Variants in ROBO2 observed in about 807,000 individuals in gnomAD.
ROBO2 encodes the protein roundabout homolog 2.
A neutral mutation model predicts 160.8 loss-of-function variants in ROBO2; 53 were observed. That is an observed-to-expected ratio of 0.33 (90% CI 0.26 to 0.41). The LOEUF is 0.41. Ranked by LOEUF, ROBO2 falls within the 10% of genes least tolerant of loss-of-function variation. The pLI is 1.00. For synonymous variants in ROBO2, 664 were observed against 611.7 expected (o/e 1.09, Z -1.26); for missense variants, 1,577 against 1,722.4 (o/e 0.92, Z 1.49).
intron 2 of ROBO2, among the ~76,000 whole-genome samples, chr3:76,589,895 G>A (rs1041430295): frequency 1.3e-4 from 19 of 151,948 alleles, no homozygotes; most frequent in Admixed American, 1.3e-4. Context: ...ATGTTGTTAC[G>A]ATATATTTAA....
intron 22 of ROBO2, chr3:77,618,286 A>G (rs1380729563): frequency 6.4e-6 from 1 of 156,762 alleles, no homozygotes; most frequent in Non-Finnish European, 1.4e-5. Context: ...TACCTGAGTT[A>G]AGTGCAACAG....
intron 2 of ROBO2, among the ~76,000 whole-genome samples, chr3:75,988,120 T>G (rs2065464357): frequency 6.6e-6 from 1 of 152,102 alleles, no homozygotes; most frequent in Non-Finnish European, 1.5e-5. Flanking sequence ...AGTTCTTCTT[T>G]AAATGTTTAG....
intron 2 of ROBO2, among the ~76,000 whole-genome samples, chr3:76,177,936 G>C (rs570756809): frequency 6.6e-6 from 1 of 152,198 alleles, no homozygotes; most frequent in African/African-American, 2.4e-5. Context: ...GGGTAATTTG[G>C]CACATTTCTA....
intron 2 of ROBO2, among the ~76,000 whole-genome samples, chr3:76,420,577 C>A (rs1485556629): frequency 6.6e-6 from 1 of 152,134 alleles, no homozygotes; most frequent in East Asian, 1.9e-4. Context: ...TAAACTAATA[C>A]AGATATATAC....
At chr3:77,161,135 C>T (rs899154616) in intron 2 of ROBO2, among the ~76,000 whole-genome samples, 1 of 152,160 alleles carries the variant, frequency 6.6e-6, no homozygotes. Flanking sequence ...CTCAATGGAG[C>T]ATGACTGCCT....
chr3:75,978,798 T>G (rs2107428282), intron 2 of ROBO2, among the ~76,000 whole-genome samples: 1 of 151,572 alleles, frequency 6.6e-6, no homozygotes, highest in South Asian at 2.1e-4. Flanking sequence ...TAAAGTGAGG[T>G]TTTGCTACAA....
chr3:76,074,235 A>G (rs1161086656), intron 2 of ROBO2, among the ~76,000 whole-genome samples: 1 of 152,226 alleles, frequency 6.6e-6, no homozygotes, highest in African/African-American at 2.4e-5. Flanking sequence ...CTCAGAGTCC[A>G]TGAAGGTCAT....
rs570402829 is a variant in ROBO2, at chr3:76,967,193, T to G, written c.110-130821T>G. The stretch of plus-strand genomic sequence containing the variant: ...GTTAGTACACTGGCACAAGCTGATG[T>G]TGAGTACTTTGAAGATTGTCTAATT... On this transcript the variant is annotated intron_variant, in intron 2 of 26. Coordinates refer to the ROBO2 transcript ENST00000487694. Among the ~76,000 whole-genome samples the G allele has an allele frequency of 6.6e-5, 10 of 152,112 alleles. No homozygotes were observed. The East Asian group carries it at 1.9e-3, about 29-fold the overall frequency.
At chr3:76,290,807 A>G (rs938366502) in intron 2 of ROBO2, among the ~76,000 whole-genome samples, 1 of 152,044 alleles carries the variant, frequency 6.6e-6, no homozygotes, top group Non-Finnish European at 1.5e-5. Flanking sequence ...GGTTTTGGTT[A>G]TGTGATGCAT....
At chr3:76,811,048 C>T (rs1260558463) in intron 2 of ROBO2, among the ~76,000 whole-genome samples, 1 of 152,084 alleles carries the variant, frequency 6.6e-6, no homozygotes. Flanking sequence ...ATGAGGTGGA[C>T]AAACTCATAG....
intron 2 of ROBO2, among the ~76,000 whole-genome samples, chr3:76,672,327 C>G (rs1214342295): frequency 1.3e-5 from 2 of 152,000 alleles, no homozygotes; most frequent in Non-Finnish European, 2.9e-5. Context: ...TGAACTTGGC[C>G]AGAACTTCAT....
At chr3:76,614,423 CTTG>C (rs1354477825) in intron 2 of ROBO2, among the ~76,000 whole-genome samples, 1 of 152,044 alleles carries the variant, frequency 6.6e-6, no homozygotes, top group Non-Finnish European at 1.5e-5. Flanking sequence ...TCTCATAATA[CTTG>C]TTATCATTAA....
intron 2 of ROBO2, among the ~76,000 whole-genome samples, chr3:76,285,896 T>C (rs1258350122): frequency 6.6e-6 from 1 of 152,210 alleles, no homozygotes; most frequent in African/African-American, 2.4e-5. Context: ...ACAGTCCTGT[T>C]TGATTTAAAA....
At chr3:77,248,122 GC>G (rs2089939502) in intron 2 of ROBO2, among the ~76,000 whole-genome samples, 2 of 152,160 alleles carry the variant, frequency 1.3e-5, no homozygotes, top group African/African-American at 2.4e-5. Flanking sequence ...CAGAGGGACA[GC>G]TTAACGGTGT....
chr3:77,322,085 A>T (rs796666250), intron 2 of ROBO2, among the ~76,000 whole-genome samples: 10 of 152,312 alleles, frequency 6.6e-5, no homozygotes, highest in African/African-American at 2.2e-4. Context: ...CTAAGCAGGC[A>T]CTGTTTTATA....
At chr3:76,558,407 G>T (rs984510875) in intron 2 of ROBO2, among the ~76,000 whole-genome samples, 2 of 151,994 alleles carry the variant, frequency 1.3e-5, no homozygotes, top group Non-Finnish European at 1.5e-5. Flanking sequence ...ATGTCATTAT[G>T]AAGTTATAAG....
At chr3:77,280,068 T>A (rs1284624205) in intron 2 of ROBO2, among the ~76,000 whole-genome samples, 2 of 152,200 alleles carry the variant, frequency 1.3e-5, no homozygotes, top group Non-Finnish European at 2.9e-5. Context: ...AGATATGATC[T>A]CAGACCTTTA....
intron 2 of ROBO2, among the ~76,000 whole-genome samples, chr3:76,078,726 A>G (rs72894507): frequency 0.046 from 5,949 of 128,320 alleles, 350 homozygotes; most frequent in East Asian, 0.16. Context: ...ATGTAACACA[A>G]TATTTTAAAA....
At chr3:76,306,454 A>G (rs1388916028) in intron 2 of ROBO2, among the ~76,000 whole-genome samples, 2 of 152,184 alleles carry the variant, frequency 1.3e-5, no homozygotes, top group Admixed American at 6.5e-5. Flanking sequence ...TATTGTGCAT[A>G]AATAGTAAAA....
Sources: allele counts gnomAD v4.1 joint callset (sites outside exome capture counted in the v4.1 genomes callset), GRCh38; gene constraint gnomAD v4.1.1; transcripts MANE v1.5; gene names NCBI Gene and HGNC (gene_info 2026-07-23, HGNC 2026-07-21).